BCL2L13: variants seen among roughly 807,000 people sequenced by gnomAD.
The protein encoded by BCL2L13 is bcl-2-like protein 13.
BCL2L13 carries 13 observed loss-of-function variants against 25.8 expected under a neutral mutation model. That is an observed-to-expected ratio of 0.50 (90% CI 0.33 to 0.80). BCL2L13 has a LOEUF of 0.80. BCL2L13 is among the 30% of genes least tolerant of loss of function. The probability of loss-of-function intolerance (pLI) is 0.02; values close to 1 mark genes in which losing one functional copy is unlikely to be tolerated. For synonymous variants in BCL2L13, 244 were observed against 230.3 expected (o/e 1.06, Z -0.54); for missense variants, 504 against 574.9 (o/e 0.88, Z 1.26).
chr22:17,665,328 C>T (rs2059201657), intron 2 of BCL2L13, among the ~76,000 whole-genome samples: 2 of 152,270 alleles, frequency 1.3e-5, no homozygotes, highest in East Asian at 3.9e-4. Context: ...ACTTTATCGC[C>T]CATATCACTG....
chr22:17,726,451 A>G (rs1253745761), intron 6 of BCL2L13, among the ~76,000 whole-genome samples: 1 of 151,836 alleles, frequency 6.6e-6, no homozygotes, highest in Non-Finnish European at 1.5e-5. Context: ...CTGAATGTAT[A>G]TTAACTTAGG....
chr22:17,630,785 T>C (rs2057998017), intron 1 of BCL2L13, among the ~76,000 whole-genome samples: 1 of 151,148 alleles, frequency 6.6e-6, no homozygotes, highest in Non-Finnish European at 1.5e-5. Context: ...GAGATGGGGT[T>C]TCAACACATT....
chr22:17,704,146 C>T (rs917472999), intron 6 of BCL2L13, among the ~76,000 whole-genome samples: 10 of 152,052 alleles, frequency 6.6e-5, no homozygotes, highest in Non-Finnish European at 8.8e-5. Context: ...GAGTGCAGTG[C>T]GCAATTGCAG....
chr22:17,695,456 G>A (rs1401123939), intron 4 of BCL2L13, among the ~76,000 whole-genome samples: 1 of 151,944 alleles, frequency 6.6e-6, no homozygotes, highest in African/African-American at 2.4e-5. Context: ...CGAGTTGCTG[G>A]GACTACAGGC....
At chr22:17,722,378 G>GGTGTGTGTGTGTGT (rs71315401) in intron 6 of BCL2L13, among the ~76,000 whole-genome samples, 3 of 122,066 alleles carry the variant, frequency 2.5e-5, no homozygotes, top group Non-Finnish European at 4.9e-5. Flanking sequence ...AGACTACAGG[G>GGTGTGTGTGTGTGT]GTGTGTGTGT....
At chr22:17,671,662 T>C (rs2059424781) in intron 2 of BCL2L13, among the ~76,000 whole-genome samples, 1 of 152,096 alleles carries the variant, frequency 6.6e-6, no homozygotes, top group African/African-American at 2.4e-5. Flanking sequence ...ACTTCTGAGC[T>C]CAGGCGATCT....
At chr22:17,687,223 TG>T (rs1354469887) in intron 3 of BCL2L13, among the ~76,000 whole-genome samples, 1 of 152,234 alleles carries the variant, frequency 6.6e-6, no homozygotes, top group African/African-American at 2.4e-5. Flanking sequence ...GCATCGCATT[TG>T]TACTCTGGAA....
intron 5 of BCL2L13, among the ~76,000 whole-genome samples, chr22:17,699,549 A>G (rs1355260690): frequency 2.0e-5 from 3 of 152,188 alleles, no homozygotes; most frequent in Non-Finnish European, 4.4e-5. Flanking sequence ...AAAATACTTT[A>G]GCATTTCATT....
chr22:17,712,377 C>T (rs2060787927), intron 6 of BCL2L13, among the ~76,000 whole-genome samples: 1 of 152,162 alleles, frequency 6.6e-6, no homozygotes, highest in South Asian at 2.1e-4. Context: ...TACAAAGCTG[C>T]TAAGCCATAG....
rs139449013 is a variant in BCL2L13, at chr22:17,670,517, G to A, written c.122-12697G>A. Among the ~76,000 whole-genome samples, 755 of 152,110 alleles carry A rather than the reference G, an allele frequency of 5.0e-3. 6 individuals carry two copies. Among genetic ancestry groups the A allele is most frequent in the African/African-American group, 0.017 (701 of 41,496 alleles). On this transcript the variant is annotated intron_variant, in intron 2 of 6. Transcript: ENST00000317582. Reference sequence around the variant, plus strand: ...AGCCTCCCAAGTAGCTGGGATTACAGGCATGCGCCATCATGCCTGGCTTAT... The same window carrying A: ...AGCCTCCCAAGTAGCTGGGATTACAAGCATGCGCCATCATGCCTGGCTTAT...
Position 17,676,260 on chromosome 22 carries a change from G to A in BCL2L13, c.122-6954G>A, listed in dbSNP as rs191694762. 1.3e-4 allele frequency among the ~76,000 whole-genome samples: 20 copies of A among 151,990 alleles called. No individual in the cohort carries two copies. In the East Asian group the frequency reaches 2.5e-3, roughly 19 times the overall value. On this transcript the variant is annotated intron_variant, in intron 2 of 6. Transcript: ENST00000317582. The stretch of plus-strand genomic sequence containing the variant: ...GCGGATCACTTCAGGTCAGGAGTTC[G>A]AGACCAGCCTGGCCAACATGGCAGA...
At chr22:17,629,968 C>T (rs1304103764) in intron 1 of BCL2L13, among the ~76,000 whole-genome samples, 2 of 152,046 alleles carry the variant, frequency 1.3e-5, no homozygotes, top group Non-Finnish European at 2.9e-5. Context: ...CCTGTAATCC[C>T]ACCACTTTGG....
At chr22:17,693,353 A>AGTG (rs2060160334) in intron 4 of BCL2L13, among the ~76,000 whole-genome samples, 1 of 99,454 alleles carries the variant, frequency 1.0e-5, no homozygotes, top group African/African-American at 4.0e-5. Context: ...TTATTTATTT[A>AGTG]TTTATTTATT....
rs189180790 is a variant in BCL2L13 at position 17,683,645 on chromosome 22, C to T, written c.229+324C>T. 5.1e-3 allele frequency among the ~76,000 whole-genome samples: 773 copies of T among 151,884 alleles called. 4 individuals are homozygous for T. Among genetic ancestry groups the T allele is most frequent in the Non-Finnish European group, 8.0e-3 (546 of 67,952 alleles). On this transcript the variant is annotated intron_variant, in intron 3 of 6. Coordinates refer to ENST00000317582, the MANE Select transcript of BCL2L13 (RefSeq NM_015367.4). Reference sequence around the variant, plus strand: ...TTAGTATTACCTTTATAAGTAATAACGACATAAAAAGGAAAAAGTAAGCAT... The same window carrying T: ...TTAGTATTACCTTTATAAGTAATAATGACATAAAAAGGAAAAAGTAAGCAT...
At chr22:17,655,883 T>G in intron 2 of BCL2L13, 51 bp downstream of exon 2, 3 of 1,472,710 alleles carry the variant, frequency 2.0e-6, no homozygotes. Flanking sequence ...AAGGACTTTA[T>G]ATATAAAAGT....
chr22:17,683,324 C>A lies in BCL2L13; in HGVS notation c.229+3C>A. ...TCTGGACAAAGAAATTTCTGAAGGTCTGTTTATTCTTATTTTTCTAGTTAA... is the reference window on the plus strand; with the variant it reads ...TCTGGACAAAGAAATTTCTGAAGGTATGTTTATTCTTATTTTTCTAGTTAA... On this transcript the variant is annotated splice_donor_region_variant and intron_variant, in intron 3 of 6. Transcript: ENST00000317582. 6.8e-7 allele frequency: 1 copy of A among 1,464,398 alleles called. No individual in the cohort carries two copies. Among genetic ancestry groups the A allele is most frequent in the South Asian group, 1.2e-5 (1 of 82,226 alleles). The allele number at this position is 1,464,398 out of a possible 1,614,324, so 90.7% of individuals were successfully genotyped here. A position where few individuals can be genotyped will look rare whatever the true frequency, so the allele number is the denominator to read the frequency against.
intron 2 of BCL2L13, among the ~76,000 whole-genome samples, chr22:17,663,998 G>A (rs144346366): frequency 1.5e-4 from 23 of 152,228 alleles, no homozygotes; most frequent in South Asian, 8.3e-4. Context: ...ACAGGCACGC[G>A]CCACCATGCC....
chr22:17,686,665 C>A (rs1483471566), intron 3 of BCL2L13, among the ~76,000 whole-genome samples: 2 of 151,878 alleles, frequency 1.3e-5, no homozygotes, highest in Non-Finnish European at 2.9e-5. Flanking sequence ...CGCCCGCCAC[C>A]ATGCCTGGCT....
intron 1 of BCL2L13, among the ~76,000 whole-genome samples, chr22:17,653,968 G>T (rs2058767577): frequency 6.6e-6 from 1 of 151,482 alleles, no homozygotes; most frequent in Non-Finnish European, 1.5e-5. Context: ...AGTATTTTTG[G>T]TTTCCTATGA....
Sources: allele counts gnomAD v4.1 joint callset (sites outside exome capture counted in the v4.1 genomes callset), GRCh38; gene constraint gnomAD v4.1.1; transcripts MANE v1.5; gene names NCBI Gene and HGNC (gene_info 2026-07-23, HGNC 2026-07-21).